GPC5: variants seen among roughly 807,000 people sequenced by gnomAD.
GPC5 encodes glypican 5.
In GPC5, 47 loss-of-function variants were observed where a neutral mutation model predicts 53.9. The observed-to-expected ratio is 0.87, with a 90% CI of 0.69 to 1.11. The LOEUF is 1.11. Ranked by LOEUF, GPC5 falls within the 50% of genes most tolerant of loss-of-function variation. The probability of loss-of-function intolerance (pLI) is 0.00; values close to 1 mark genes in which losing one functional copy is unlikely to be tolerated. For missense variants in GPC5, 748 were observed against 713.1 expected (o/e 1.05, Z -0.56); for synonymous variants, 286 against 263.3 (o/e 1.09, Z -0.84).
In GPC5 at chr13:92,122,312, C is replaced by G. The variant is rs368477576; in HGVS notation, c.1402-22518C>G. 7.1e-4 allele frequency among the ~76,000 whole-genome samples: 107 copies of G among 149,988 alleles called. 1 individual carries two copies. Among genetic ancestry groups the G allele is most frequent in the African/African-American group, 2.4e-3 (98 of 40,536 alleles). On this transcript the variant is annotated intron_variant, in intron 6 of 7. Coordinates refer to ENST00000377067, the MANE Select transcript of GPC5 (RefSeq NM_004466.6). ...TAACTTTTTTTTTAATCTGCTGGCC[C>G]TTTTGCTTTTAGCAGCCATAGACTT... is the stretch of plus-strand genomic sequence containing the variant.
At chr13:92,421,994 A>C (rs1189277411) in intron 7 of GPC5, among the ~76,000 whole-genome samples, 6 of 151,756 alleles carry the variant, frequency 4.0e-5, no homozygotes, top group Non-Finnish European at 8.8e-5. Flanking sequence ...CCACCACTCT[A>C]CTAACCCGGA....
chr13:92,014,741 A>G (rs2040692370), intron 6 of GPC5, among the ~76,000 whole-genome samples: 1 of 152,162 alleles, frequency 6.6e-6, no homozygotes, highest in Non-Finnish European at 1.5e-5. Flanking sequence ...TTATTGACTC[A>G]ATTTGTTGGT....
chr13:91,940,196 C>T (rs573174723), intron 6 of GPC5, among the ~76,000 whole-genome samples: 1 of 152,220 alleles, frequency 6.6e-6, no homozygotes, highest in East Asian at 1.9e-4. Context: ...ATCTTTATGT[C>T]TGTGAGTACC....
intron 7 of GPC5, among the ~76,000 whole-genome samples, chr13:92,385,447 TATATACATATATACACATATATAC>T (rs1566567528): frequency 8.5e-6 from 1 of 118,110 alleles, no homozygotes; most frequent in African/African-American, 3.3e-5. Context: ...CATATATACA[TATATACATATATACACATATATAC>T]ATATATACAT....
intron 7 of GPC5, among the ~76,000 whole-genome samples, chr13:92,322,402 G>A (rs1176327180): frequency 6.6e-6 from 1 of 152,068 alleles, no homozygotes; most frequent in Non-Finnish European, 1.5e-5. Flanking sequence ...ACAAAGAAAA[G>A]GTAGTATTTT....
chr13:91,927,681 A>T (rs2039782070), intron 6 of GPC5, among the ~76,000 whole-genome samples: 1 of 152,192 alleles, frequency 6.6e-6, no homozygotes, highest in Admixed American at 6.6e-5. Flanking sequence ...GTGTTTTCAA[A>T]TATAATGCAT....
chr13:92,849,304 C>G (rs1160877735), intron 7 of GPC5, among the ~76,000 whole-genome samples: 3 of 151,548 alleles, frequency 2.0e-5, no homozygotes, highest in Non-Finnish European at 4.4e-5. Context: ...GGAATTGCTT[C>G]TTTAAGAATA....
intron 7 of GPC5, among the ~76,000 whole-genome samples, chr13:92,458,578 G>A (rs1056615272): frequency 2.0e-4 from 30 of 151,958 alleles, no homozygotes; most frequent in African/African-American, 4.4e-4. Context: ...GATTTCAGGC[G>A]TGAGCTACCG....
intron 2 of GPC5, among the ~76,000 whole-genome samples, chr13:91,482,493 A>G (rs963942247): frequency 1.3e-5 from 2 of 152,232 alleles, no homozygotes; most frequent in Non-Finnish European, 2.9e-5. Context: ...TGCTTCTCAT[A>G]GTGTAATCCA....
At chr13:92,756,888 T>A (rs1177531510) in intron 7 of GPC5, among the ~76,000 whole-genome samples, 2 of 150,752 alleles carry the variant, frequency 1.3e-5, no homozygotes, top group Non-Finnish European at 1.5e-5. Flanking sequence ...ATCAATATCG[T>A]GAAAATGGCC....
intron 6 of GPC5, among the ~76,000 whole-genome samples, chr13:91,985,309 C>T (rs1238611280): frequency 6.7e-6 from 1 of 148,958 alleles, no homozygotes; most frequent in Admixed American, 6.7e-5. Context: ...GTTTTGTCAT[C>T]ATTTACTTTT....
At chr13:91,573,390 T>C (rs1219906981) in intron 2 of GPC5, among the ~76,000 whole-genome samples, 1 of 152,194 alleles carries the variant, frequency 6.6e-6, no homozygotes, top group Non-Finnish European at 1.5e-5. Flanking sequence ...TCTTGTGTAG[T>C]CATTACGCTA....
At chr13:92,398,954 C>T (rs928352807) in intron 7 of GPC5, among the ~76,000 whole-genome samples, 2 of 152,134 alleles carry the variant, frequency 1.3e-5, no homozygotes, top group Admixed American at 1.3e-4. Flanking sequence ...CTCCTACACT[C>T]CCAGTAGCCT....
chr13:92,131,281 A>G (rs1594775511), intron 6 of GPC5, among the ~76,000 whole-genome samples: 1 of 152,148 alleles, frequency 6.6e-6, no homozygotes, highest in Non-Finnish European at 1.5e-5. Flanking sequence ...GGCGATATCT[A>G]CTAAAGTTAA....
chr13:92,388,742 C>A (rs1347301522), intron 7 of GPC5, among the ~76,000 whole-genome samples: 1 of 152,084 alleles, frequency 6.6e-6, no homozygotes, highest in African/African-American at 2.4e-5. Flanking sequence ...AAAGTAATAT[C>A]TTGACTGAGC....
At chr13:91,703,381 T>C (rs146368022) in intron 3 of GPC5, among the ~76,000 whole-genome samples, 50 of 152,340 alleles carry the variant, frequency 3.3e-4, no homozygotes, top group Non-Finnish European at 5.6e-4. Flanking sequence ...GTTTTTGTCA[T>C]GAAAGAATAT....
chr13:92,550,860 C>T (rs1225426225), intron 7 of GPC5, among the ~76,000 whole-genome samples: 2 of 151,690 alleles, frequency 1.3e-5, no homozygotes, highest in South Asian at 2.1e-4. Flanking sequence ...AACATATGCC[C>T]ATCTGTTTTT....
chr13:91,663,326 C>T (rs2035029125), intron 2 of GPC5, among the ~76,000 whole-genome samples: 2 of 152,206 alleles, frequency 1.3e-5, no homozygotes, highest in Non-Finnish European at 2.9e-5. Flanking sequence ...TTTATTTCCT[C>T]ACTCCGTGTA....
At chr13:92,304,004 G>A (rs1050289481) in intron 7 of GPC5, among the ~76,000 whole-genome samples, 1 of 152,060 alleles carries the variant, frequency 6.6e-6, no homozygotes, top group South Asian at 2.1e-4. Context: ...GTCTGTCTAC[G>A]AGCTTCTACA....
Sources: gnomAD v4.1 joint callset for allele counts (sites outside exome capture counted in the v4.1 genomes callset) on GRCh38, gnomAD v4.1.1 for gene constraint, MANE v1.5 for transcripts, NCBI Gene and HGNC (gene_info 2026-07-23, HGNC 2026-07-21) for gene names.